ANP32A: variants seen among roughly 807,000 people sequenced by gnomAD.
The protein encoded by ANP32A is acidic leucine-rich nuclear phosphoprotein 32 family member A.
ANP32A carries 1 observed loss-of-function variant against 33.9 expected under a neutral mutation model. The observed-to-expected ratio is 0.03, with a 90% confidence interval of 0.01 to 0.14. The LOEUF is 0.14. Ranked by LOEUF, ANP32A falls within the 10% of genes least tolerant of loss-of-function variation. The pLI, the probability that ANP32A is intolerant of heterozygous loss-of-function variation, is 1.00. For missense variants in ANP32A, 155 were observed against 306.0 expected (o/e 0.51, Z 3.68); for synonymous variants, 115 against 120.5 (o/e 0.95, Z 0.30).
rs188446009 is a variant in ANP32A, at chr15:68,817,999, G to A, written c.54+2699C>T. On this transcript the variant is annotated intron_variant, in intron 1 of 6. Transcript: ENST00000465139. ...TCCTGCCCCCCAGTAACGCCTCGGC[G>A]CCCTTCGGGCTCAGCCCCGAGTGGG... is the stretch of plus-strand genomic sequence containing the variant. 6.4e-3 allele frequency among the ~76,000 whole-genome samples: 976 copies of A among 152,236 alleles called. 10 individuals are homozygous for A. The highest frequency in any genetic ancestry group is 0.022 in the African/African-American group (934 of 41,536).
chr15:68,796,788 CTCTGGGCT>C (rs1167220249), intron 1 of ANP32A, among the ~76,000 whole-genome samples: 1 of 152,214 alleles, frequency 6.6e-6, no homozygotes, highest in Non-Finnish European at 1.5e-5. Context: ...CACTACCACT[CTCTGGGCT>C]TCTCCTAGTC....
At chr15:68,812,539 C>T (rs994081667) in intron 1 of ANP32A, among the ~76,000 whole-genome samples, 2 of 152,194 alleles carry the variant, frequency 1.3e-5, no homozygotes, top group African/African-American at 4.8e-5. Context: ...TGGTTTAAAA[C>T]AGAAGTCATG....
chr15:68,817,250 G>A (rs765004268), intron 1 of ANP32A: 1 of 152,246 alleles, frequency 6.6e-6, no homozygotes, highest in Non-Finnish European at 1.5e-5. Context: ...TTCGCTTTAG[G>A]ATCTCATTAC....
At chr15:68,787,308 CA>C in intron 3 of ANP32A, 104 bp downstream of exon 3, 7 of 1,519,388 alleles carry the variant, frequency 4.6e-6, no homozygotes, top group Middle Eastern at 2.1e-4. Flanking sequence ...TCATGAGAGT[CA>C]AAAAAATTAA....
intron 1 of ANP32A, among the ~76,000 whole-genome samples, chr15:68,793,539 G>A (rs963088193): frequency 6.6e-6 from 1 of 152,170 alleles, no homozygotes; most frequent in Non-Finnish European, 1.5e-5. Flanking sequence ...CCAGCAAGAG[G>A]TGTGGTGGCC....
rs1201464111 is a variant in ANP32A, at chr15:68,820,197, CGAGA to C, written c.54+497_54+500del. On this transcript the variant is annotated intron_variant, in intron 1 of 6. Transcript: ENST00000465139. ...CTTATTGTGTGTGCGAGCGAGCGAG[CGAGA>C]GAAAGGGAGGGGGGAGGCGCGGGAG... Among the ~76,000 whole-genome samples the C allele has an allele frequency of 1.1e-4, 16 of 151,710 alleles. No individual in the cohort carries two copies. The East Asian group carries it at 2.9e-3, about 28-fold the overall frequency.
At chr15:68,788,662 A>C (rs1893963341) in intron 1 of ANP32A, among the ~76,000 whole-genome samples, 1 of 152,240 alleles carries the variant, frequency 6.6e-6, no homozygotes, top group Non-Finnish European at 1.5e-5. Context: ...AAACAGACAC[A>C]GGTAACTACT....
intron 1 of ANP32A, among the ~76,000 whole-genome samples, chr15:68,820,067 A>G (rs914668775): frequency 2.0e-5 from 3 of 151,310 alleles, no homozygotes; most frequent in African/African-American, 7.3e-5. Context: ...CGCACTTTAA[A>G]CTCCAGCCAT....
At chr15:68,811,305 T>C (rs1250656138) in intron 1 of ANP32A, among the ~76,000 whole-genome samples, 1 of 152,044 alleles carries the variant, frequency 6.6e-6, no homozygotes, top group East Asian at 1.9e-4. Context: ...TGCTTTAAGA[T>C]GGGAGAAGCA....
chr15:68,790,757 T>C (rs1391304578), intron 1 of ANP32A: 2 of 152,130 alleles, frequency 1.3e-5, no homozygotes, highest in Non-Finnish European at 2.9e-5. Context: ...AGCCACAAGA[T>C]GAGGAGGGGC....
chr15:68,795,571 C>A (rs1278448542), intron 1 of ANP32A, among the ~76,000 whole-genome samples: 1 of 152,192 alleles, frequency 6.6e-6, no homozygotes, highest in African/African-American at 2.4e-5. Flanking sequence ...TGTCTCCTCC[C>A]GCGGGTGTGA....
chr15:68,816,038 C>CT (rs1894375659), intron 1 of ANP32A, among the ~76,000 whole-genome samples: 2 of 152,174 alleles, frequency 1.3e-5, no homozygotes, highest in African/African-American at 4.8e-5. Context: ...CCACTTCAAC[C>CT]TAACCCACTG....
At chr15:68,813,868 G>GTGTT in intron 1 of ANP32A, among the ~76,000 whole-genome samples, 1 of 118,344 alleles carries the variant, frequency 8.4e-6, no homozygotes, top group Non-Finnish European at 1.6e-5. Context: ...TTTCCAGGAA[G>GTGTT]TTTTTTTTTT....
At position 68,780,387 on chromosome 15, in the gene ANP32A, TGA is replaced by T. The variant is rs1486457693; in HGVS notation, c.688+21_688+22del. Reference sequence around the variant, plus strand: ...GTGAAAGGGCCAGGCTGCTACCAGCTGAGAGTAAAAAGGCTGCCATACCACCA... The same window carrying T: ...GTGAAAGGGCCAGGCTGCTACCAGCTGAGTAAAAAGGCTGCCATACCACCA... On this transcript the variant is annotated intron_variant, in intron 6 of 6. Coordinates refer to ENST00000465139, the MANE Select transcript of ANP32A (RefSeq NM_006305.4). The surrounding 1 kb of genome is among the most constrained non-coding windows in gnomAD (Gnocchi z 4.3). The T allele has an allele frequency of 8.7e-6, 14 of 1,613,844 alleles. No homozygotes were observed. Among genetic ancestry groups the T allele is most frequent in the East Asian group, 6.7e-5 (3 of 44,882 alleles).
chr15:68,806,399 A>G (rs1894224500), intron 1 of ANP32A, among the ~76,000 whole-genome samples: 1 of 152,178 alleles, frequency 6.6e-6, no homozygotes, highest in Non-Finnish European at 1.5e-5. Context: ...GTGCCTACAC[A>G]TGCCAACTGC....
chr15:68,796,132 C>A (rs555930587), intron 1 of ANP32A, among the ~76,000 whole-genome samples: 1 of 152,134 alleles, frequency 6.6e-6, no homozygotes, highest in Admixed American at 6.5e-5. Flanking sequence ...CCTAAGCTGG[C>A]GTGCAGTGGC....
At position 68,779,942 on chromosome 15, in the gene ANP32A, T is replaced by A; in HGVS notation, c.*139A>T. On this transcript the variant is annotated 3_prime_UTR_variant, in exon 7 of 7. Transcript: ENST00000465139. Reference sequence around the variant, plus strand: ...TCCCCCCGCAACCCCCAGTACACTCTTCCCCTCTCGTTCCCACAGCAACGT... The same window carrying A: ...TCCCCCCGCAACCCCCAGTACACTCATCCCCTCTCGTTCCCACAGCAACGT... 16 of 426,808 alleles carry A rather than the reference T, an allele frequency of 3.7e-5. No homozygotes were observed. The highest frequency in any genetic ancestry group is 7.2e-5 in the Admixed American group (2 of 27,942). 26.4% of individuals were successfully genotyped at this position (426,808 alleles called of 1,614,324 possible).
In ANP32A at chr15:68,805,255, T is replaced by A. The variant is rs186282680; in HGVS notation, c.54+15443A>T. On this transcript the variant is annotated intron_variant, in intron 1 of 6. Transcript: ENST00000465139. ...TCAGAAACACCAATGGAAATTCCAC[T>A]CTGACAGTGACGGCAGCTGGTGGTA... 5.1e-3 allele frequency among the ~76,000 whole-genome samples: 780 copies of A among 152,316 alleles called. 7 individuals are homozygous for A. Among genetic ancestry groups the A allele is most frequent in the African/African-American group, 0.017 (717 of 41,556 alleles).
At chr15:68,818,772 C>T (rs1192857915) in intron 1 of ANP32A, among the ~76,000 whole-genome samples, 1 of 151,396 alleles carries the variant, frequency 6.6e-6, no homozygotes, top group Non-Finnish European at 1.5e-5. Flanking sequence ...GGCGCCCTTC[C>T]CCCTCCGCGC....
Sources: gnomAD v4.1 joint callset for allele counts (sites outside exome capture counted in the v4.1 genomes callset) on GRCh38, gnomAD v4.1.1 for gene constraint, Gnocchi (gnomAD v3.1) non-coding constraint, MANE v1.5 for transcripts, NCBI Gene and HGNC (gene_info 2026-07-23, HGNC 2026-07-21) for gene names.